The following TOGARAM1 variants were observed in gnomAD, a reference collection of about 807,000 sequenced individuals.
TOGARAM1 encodes the protein TOG array regulator of axonemal microtubules 1.
Under a neutral mutation model 166.6 loss-of-function variants are expected in TOGARAM1, and 100 were observed. The observed-to-expected ratio is 0.60, with a 90% CI of 0.51 to 0.71. The LOEUF (loss-of-function observed/expected upper bound fraction) is 0.71, where lower values mean the gene tolerates loss of function less well. TOGARAM1 is among the 30% of genes least tolerant of loss of function. The pLI, the probability that TOGARAM1 is intolerant of heterozygous loss-of-function variation, is 0.00. For missense variants in TOGARAM1, 2,029 were observed against 2,102.7 expected, an observed-to-expected ratio of 0.96 and a Z score of 0.69; for synonymous variants, 758 against 763.8, an observed-to-expected ratio of 0.99 and a Z score of 0.13.
intron 14 of TOGARAM1, among the ~76,000 whole-genome samples, chr14:45,048,129 G>A (rs1435448657): frequency 2.7e-5 from 4 of 150,670 alleles, no homozygotes; most frequent in South Asian, 2.1e-4. Flanking sequence ...TGAGGCGGGC[G>A]GCTCACAAGA....
intron 7 of TOGARAM1, among the ~76,000 whole-genome samples, chr14:45,017,406 AACAC>A (rs113544622): frequency 1.9e-4 from 27 of 145,210 alleles, no homozygotes; most frequent in South Asian, 1.6e-3. Flanking sequence ...ATGCACACAA[AACAC>A]ACACACACAC....
At chr14:44,972,297 G>A (rs187204678) in intron 1 of TOGARAM1, among the ~76,000 whole-genome samples, 97 of 151,646 alleles carry the variant, frequency 6.4e-4, no homozygotes, top group Middle Eastern at 3.4e-3. Flanking sequence ...GATAGAACGT[G>A]GTATTTCTTT....
intron 1 of TOGARAM1, among the ~76,000 whole-genome samples, chr14:44,972,264 G>C (rs1205553176): frequency 6.6e-6 from 1 of 151,796 alleles, no homozygotes; most frequent in Non-Finnish European, 1.5e-5. Context: ...ATTTGTTAAA[G>C]TGTGTGTGTG....
intron 1 of TOGARAM1, among the ~76,000 whole-genome samples, chr14:44,995,027 C>T (rs1024926028): frequency 3.9e-5 from 6 of 152,058 alleles, no homozygotes; most frequent in Admixed American, 1.3e-4. Context: ...TGAAGTGATC[C>T]GGGACAATTG....
chr14:45,052,406 G>C, intron 14 of TOGARAM1, 30 bp from the exon 15 acceptor site: 2 of 1,594,876 alleles, frequency 1.3e-6, no homozygotes, highest in South Asian at 2.2e-5. Flanking sequence ...TGTCTAAAAA[G>C]TAATATACCT....
In TOGARAM1 at chr14:45,003,117, A is replaced by G. The variant is rs190972552; in HGVS notation, c.2339-944A>G. The stretch of plus-strand genomic sequence containing the variant: ...TTTTAATTCTATATGTAAATCTGTG[A>G]CTAAATCTCCTATATCTCTCTACCT... On this transcript the variant is annotated intron_variant, in intron 3 of 19. Coordinates refer to ENST00000361462, the MANE Select transcript of TOGARAM1 (RefSeq NM_001308120.2). 4.3e-4 allele frequency among the ~76,000 whole-genome samples: 65 copies of G among 152,340 alleles called. 1 individual carries two copies. In the East Asian group the frequency reaches 7.9e-3, roughly 19 times the overall value.
intron 1 of TOGARAM1, among the ~76,000 whole-genome samples, chr14:44,983,732 A>T (rs796128753): frequency 5.3e-5 from 8 of 152,250 alleles, no homozygotes; most frequent in African/African-American, 1.4e-4. Context: ...AAAACTTGAG[A>T]TTTTCCTTGG....
intron 10 of TOGARAM1, among the ~76,000 whole-genome samples, chr14:45,028,896 A>G (rs1167168690): frequency 6.6e-6 from 1 of 152,198 alleles, no homozygotes; most frequent in Admixed American, 6.5e-5. Flanking sequence ...TAAGAAATAA[A>G]CTGAAATATA....
chr14:45,011,853 C>A, intron 6 of TOGARAM1, 122 bp from the exon 7 acceptor site: 6 of 580,020 alleles, frequency 1.0e-5, no homozygotes, highest in Middle Eastern at 4.7e-4. Context: ...AAGTGTCATA[C>A]TTATTGCTCC....
intron 1 of TOGARAM1, among the ~76,000 whole-genome samples, chr14:44,994,878 C>A (rs1270998354): frequency 1.3e-5 from 2 of 152,124 alleles, no homozygotes; most frequent in Admixed American, 1.3e-4. Context: ...GCAAAGTTTA[C>A]AAAGAAATAT....
chr14:44,984,269 A>G (rs1259668702), intron 1 of TOGARAM1, among the ~76,000 whole-genome samples: 1 of 152,030 alleles, frequency 6.6e-6, no homozygotes, highest in Non-Finnish European at 1.5e-5. Context: ...GACTAAAGAC[A>G]TGGAAAATAT....
rs943876788 is a variant in TOGARAM1 at position 44,974,887 on chromosome 14, G to T, written c.2046+10420G>T. Among the ~76,000 whole-genome samples, 14 of 151,956 alleles carry T rather than the reference G, an allele frequency of 9.2e-5. 1 individual carries two copies. The highest frequency in any genetic ancestry group is 5.9e-4 in the Admixed American group (9 of 15,252). On this transcript the variant is annotated intron_variant, in intron 1 of 19. Transcript: ENST00000361462. ...TGTGCCTTATAAATTTTGTTGACAG[G>T]TAGATGTGATATACTAAATAAAAGA...
chr14:45,053,119 A>G (rs1044108094), intron 15 of TOGARAM1, among the ~76,000 whole-genome samples: 2 of 145,708 alleles, frequency 1.4e-5, no homozygotes, highest in South Asian at 2.2e-4. Flanking sequence ...GCTCACTACA[A>G]CCTCCACCTC....
intron 1 of TOGARAM1, among the ~76,000 whole-genome samples, chr14:44,977,719 C>T (rs1038879293): frequency 6.6e-6 from 1 of 152,034 alleles, no homozygotes; most frequent in Non-Finnish European, 1.5e-5. Context: ...ACTTGCAGCT[C>T]ACTGCAACTT....
chr14:45,039,028 C>A (rs1352599331), intron 11 of TOGARAM1, among the ~76,000 whole-genome samples: 7 of 151,784 alleles, frequency 4.6e-5, no homozygotes, highest in Admixed American at 4.6e-4. Context: ...ATCCTGATGT[C>A]TGTGCAGCCC....
At chr14:44,994,747 T>TA (rs1333390729) in intron 1 of TOGARAM1, among the ~76,000 whole-genome samples, 1 of 152,160 alleles carries the variant, frequency 6.6e-6, no homozygotes, top group African/African-American at 2.4e-5. Context: ...TTTTGTTACT[T>TA]ATCATTTCTG....
At chr14:45,068,669 A>C (rs1883246012) in intron 18 of TOGARAM1, 26 bp downstream of exon 18, 1 of 1,500,028 alleles carries the variant, frequency 6.7e-7, no homozygotes, top group Non-Finnish European at 9.0e-7. Flanking sequence ...TCGGCACTCA[A>C]ATTATTTTCA....
chr14:45,015,706 T>C (rs1299137270), intron 7 of TOGARAM1, among the ~76,000 whole-genome samples: 1 of 152,154 alleles, frequency 6.6e-6, no homozygotes, highest in Non-Finnish European at 1.5e-5. Flanking sequence ...GAGGTACTAT[T>C]ATCTCTATTT....
intron 14 of TOGARAM1, 32 bp downstream of exon 14, chr14:45,046,735 T>C: frequency 8.0e-7 from 1 of 1,248,938 alleles, no homozygotes; most frequent in Non-Finnish European, 1.0e-6. Flanking sequence ...CTAAATCTAT[T>C]ATTAATAAGG....
Sources: gnomAD v4.1 joint callset for allele counts (sites outside exome capture counted in the v4.1 genomes callset) on GRCh38, gnomAD v4.1.1 for gene constraint, MANE v1.5 for transcripts, NCBI Gene and HGNC (gene_info 2026-07-23, HGNC 2026-07-21) for gene names.